The following REV3L variants were observed in gnomAD, a reference collection of about 807,000 sequenced individuals.
REV3L encodes DNA polymerase zeta catalytic subunit.
REV3L carries 69 observed loss-of-function variants against 299.4 expected under a neutral mutation model. The ratio of observed to expected loss-of-function variants is 0.23; its 90% CI spans 0.19 to 0.28. The LOEUF (loss-of-function observed/expected upper bound fraction) is 0.28. Among genes scored for constraint, REV3L ranks in the 10% least tolerant of loss-of-function variants. REV3L has a pLI of 1.00. For missense variants in REV3L, 3,128 were observed against 3,693.8 expected (o/e 0.85, Z 3.97); for synonymous variants, 1,238 against 1,271.4 (o/e 0.97, Z 0.56).
intron 21 of REV3L, among the ~76,000 whole-genome samples, chr6:111,336,923 A>G (rs1372516718): frequency 2.0e-5 from 3 of 152,210 alleles, no homozygotes; most frequent in Non-Finnish European, 4.4e-5. Context: ...AAAAGATTAC[A>G]TATTGCACGA....
intron 1 of REV3L, among the ~76,000 whole-genome samples, chr6:111,445,760 G>A (rs1467786891): frequency 6.6e-6 from 1 of 152,172 alleles, no homozygotes; most frequent in Non-Finnish European, 1.5e-5. Context: ...AGGATTCATA[G>A]AAGTGTTATT....
At chr6:111,342,304 G>A (rs1309531610) in intron 21 of REV3L, among the ~76,000 whole-genome samples, 2 of 152,170 alleles carry the variant, frequency 1.3e-5, no homozygotes, top group Non-Finnish European at 2.9e-5. Context: ...CCCAGGACCT[G>A]CCAGTGGTAC....
rs1018725972 is a variant in REV3L at position 111,375,454 on chromosome 6, C to T, written c.2901G>A (p.Met967Ile). The change falls in exon 13 of 32, where the codon ATG becomes ATA. Residue 967 changes from methionine to isoleucine, a missense_variant. Coordinates refer to ENST00000368802, the MANE Select transcript of REV3L (RefSeq NM_001372078.1). ...TGATGACAGGGGGCAGCTTTTTAGA[C>T]ATTTTTCTTCGTTTTCGGGATTTGA... The part of the protein sequence containing the change: ...GTLKSRKRRK[M>I]SKKLPPVIIK... 2 of 1,601,918 alleles carry T rather than the reference C, an allele frequency of 1.2e-6. No individual in the cohort carries two copies. The highest frequency in any genetic ancestry group is 2.3e-5 in the South Asian group (2 of 88,064).
chr6:111,310,045 T>C lies in REV3L; in HGVS notation c.8850A>G (p.Pro2950=). ...CGGGGGTCCCATAAATGATGACGTA[T>C]GGCACTCGCTCCCCAACCTGAGGCT... ...RSEPQVGERV[P]YVIIYGTPGV... is the part of the protein sequence containing the mutation. Residue 2950 remains proline (P), a synonymous_variant, in exon 30 of 32, where the codon CCA becomes CCG. Coordinates refer to ENST00000368802, the MANE Select transcript of REV3L (RefSeq NM_001372078.1). 1.2e-6 allele frequency: 2 copies of C among 1,608,476 alleles called. No individual in the cohort carries two copies. Among genetic ancestry groups the C allele is most frequent in the Non-Finnish European group, 1.7e-6 (2 of 1,176,838 alleles).
intron 25 of REV3L, among the ~76,000 whole-genome samples, chr6:111,326,711 G>C (rs1323322770): frequency 6.6e-6 from 1 of 151,288 alleles, no homozygotes; most frequent in Non-Finnish European, 1.5e-5. Flanking sequence ...AACAACCTAA[G>C]TGTCCATCAA....
Position 111,376,215 on chromosome 6 carries a change from G to C in REV3L, c.2140C>G (p.His714Asp). 6.2e-7 allele frequency: 1 copy of C among 1,613,248 alleles called. No homozygotes were observed. Among genetic ancestry groups the C allele is most frequent in the Non-Finnish European group, 8.5e-7 (1 of 1,179,826 alleles). ...TCAGAGGATACTTTATTTTTTGAATGATTTAAGTCAGAAAAGTTGAAAGAA... is the reference window on the plus strand; with the variant it reads ...TCAGAGGATACTTTATTTTTTGAATCATTTAAGTCAGAAAAGTTGAAAGAA... ...KNSFNFSDLNHSKNKVSSEGN... is the reference protein window; with the variant it reads ...KNSFNFSDLNDSKNKVSSEGN... Residue 714 changes from histidine to aspartate, a missense_variant, in exon 13 of 32, where the codon CAT (histidine) becomes GAT (aspartate). His to Asp is a moderately conservative substitution (Grantham distance 81). Coordinates refer to ENST00000368802, the MANE Select transcript of REV3L (RefSeq NM_001372078.1).
chr6:111,326,805 T>C (rs1774874726), intron 25 of REV3L, among the ~76,000 whole-genome samples: 2 of 146,458 alleles, frequency 1.4e-5, no homozygotes, highest in South Asian at 4.2e-4. Context: ...CCATCTGCCC[T>C]TTAAAAAAAA....
chr6:111,461,891 G>T (rs1790814400), intron 1 of REV3L, among the ~76,000 whole-genome samples: 1 of 151,980 alleles, frequency 6.6e-6, no homozygotes, highest in South Asian at 2.1e-4. Flanking sequence ...CATAGTGGTA[G>T]ATTTTAATCC....
rs376697203 is a variant in REV3L, at chr6:111,373,018, C to A, written c.5337G>T (p.Arg1779Ser). 2 of 1,614,128 alleles carry A rather than the reference C, an allele frequency of 1.2e-6. No homozygotes were observed. Among genetic ancestry groups the A allele is most frequent in the Admixed American group, 3.3e-5 (2 of 60,010 alleles). ...DCLSEKSRLN[R>S]SSVSKEVFLS... Reference sequence around the variant, plus strand: ...GAAACACTTCTTTGCTTACTGAACTCCTATTCAATCTAGATTTTTCACTTA... The same window carrying A: ...GAAACACTTCTTTGCTTACTGAACTACTATTCAATCTAGATTTTTCACTTA... Residue 1779 changes from arginine to serine, a missense_variant, in exon 13 of 32, where the codon AGG becomes AGT. This residue lies in a region of REV3L where 2,409 missense variants were observed against 2,611.8 expected (regional missense o/e 0.92). Coordinates refer to ENST00000368802, the MANE Select transcript of REV3L (RefSeq NM_001372078.1).
At chr6:111,414,420 T>C (rs934757071) in intron 2 of REV3L, among the ~76,000 whole-genome samples, 18 of 152,118 alleles carry the variant, frequency 1.2e-4, no homozygotes, top group Admixed American at 2.0e-4. Context: ...CAGAGGTAGA[T>C]GGGGTGAGGT....
At chr6:111,317,949 T>C (rs1231584423) in intron 26 of REV3L, among the ~76,000 whole-genome samples, 1 of 152,258 alleles carries the variant, frequency 6.6e-6, no homozygotes, top group African/African-American at 2.4e-5. Context: ...TATTCCACTG[T>C]ATGGATATAC....
At chr6:111,348,574 A>C (rs1777255418) in intron 20 of REV3L, among the ~76,000 whole-genome samples, 1 of 152,212 alleles carries the variant, frequency 6.6e-6, no homozygotes, top group Non-Finnish European at 1.5e-5. Context: ...AGCTGAATTC[A>C]TCTGGCCTTA....
Position 111,381,305 on chromosome 6 carries a change from A to C in REV3L, c.1216+20T>G. 6.2e-7 allele frequency: 1 copy of C among 1,610,478 alleles called. No homozygotes were observed. Among genetic ancestry groups the C allele is most frequent in the Non-Finnish European group, 8.5e-7 (1 of 1,179,070 alleles). On this transcript the variant is annotated intron_variant, in intron 10 of 31. Transcript: ENST00000368802. ...CTCTGAATTACAATACTGAATATTTATGGTAGCACTGTTACTTACTGAAAA... is the reference window on the plus strand; with the variant it reads ...CTCTGAATTACAATACTGAATATTTCTGGTAGCACTGTTACTTACTGAAAA...
chr6:111,422,873 T>C (rs1025617852), intron 1 of REV3L, among the ~76,000 whole-genome samples: 2 of 151,586 alleles, frequency 1.3e-5, no homozygotes, highest in African/African-American at 2.4e-5. Flanking sequence ...AATTTATTTA[T>C]GCCATTTTAT....
intron 10 of REV3L, 150 bp from the exon 11 acceptor site, chr6:111,380,369 C>T (rs1780708065): frequency 3.3e-6 from 2 of 601,182 alleles, no homozygotes; most frequent in Non-Finnish European, 5.8e-6. Context: ...ATGCCATTCT[C>T]CTGCCTCAGC....
chr6:111,366,274 T>A (rs1779199284), intron 14 of REV3L, among the ~76,000 whole-genome samples: 1 of 152,156 alleles, frequency 6.6e-6, no homozygotes, highest in Non-Finnish European at 1.5e-5. Context: ...CCATTTAGCA[T>A]TCAAGTGGAA....
chr6:111,304,736 A>C (rs1772077285), intron 31 of REV3L, among the ~76,000 whole-genome samples: 1 of 151,388 alleles, frequency 6.6e-6, no homozygotes, highest in East Asian at 1.9e-4. Flanking sequence ...AGTATCTGAC[A>C]GGTGGTTTTT....
Position 111,405,546 on chromosome 6 carries a change from G to C in REV3L, c.489C>G (p.Leu163=). The change falls in exon 4 of 32, where the codon CTC becomes CTG. Residue 163 remains leucine (L), a synonymous_variant. Coordinates refer to ENST00000368802, the MANE Select transcript of REV3L (RefSeq NM_001372078.1). ...TGCCATAAAGATTGTAGTCAATGAA[G>C]AGCTGTAGGAGGTAGGGAATATGCG... ...HEAHIPYLLQ[L]FIDYNLYGMN... 6.2e-7 allele frequency: 1 copy of C among 1,605,386 alleles called. No homozygotes were observed. Among genetic ancestry groups the C allele is most frequent in the Non-Finnish European group, 8.5e-7 (1 of 1,175,706 alleles).
rs749308460 is a variant in REV3L at position 111,322,646 on chromosome 6, C to T, written c.8274G>A (p.Glu2758=). 1.9e-6 allele frequency: 3 copies of T among 1,614,104 alleles called. No individual in the cohort carries two copies. In the South Asian group the frequency reaches 3.3e-5, roughly 18 times the overall value. The change falls in exon 26 of 32, where the codon GAG becomes GAA. Residue 2758 remains glutamate, a synonymous_variant. Coordinates refer to ENST00000368802, the MANE Select transcript of REV3L (RefSeq NM_001372078.1). Reference sequence around the variant, plus strand: ...CCAGTTTAATAGCTCGTTCCAAGGTCTCTCTGGCTTTGTGAACAATACTAT... The same window carrying T: ...CCAGTTTAATAGCTCGTTCCAAGGTTTCTCTGGCTTTGTGAACAATACTAT... ...VGDSIVHKAR[E]TLERAIKLVN...
Sources: gnomAD v4.1 joint callset for allele counts (sites outside exome capture counted in the v4.1 genomes callset) on GRCh38, gnomAD v4.1.1 for gene constraint, gnomAD v4.1.1 regional missense constraint, MANE v1.5 for transcripts, NCBI Gene and HGNC (gene_info 2026-07-23, HGNC 2026-07-21) for gene names.